The following PMEL variants were observed in gnomAD, a reference collection of about 807,000 sequenced individuals.
PMEL encodes premelanosome protein.
Under a neutral mutation model 64.9 loss-of-function variants are expected in PMEL, and 53 were observed. The observed-to-expected ratio is 0.82, with a 90% CI of 0.66 to 1.03. PMEL has a LOEUF of 1.03. PMEL is among the 50% of genes least tolerant of loss of function. The pLI is 0.00. For synonymous variants in PMEL, 299 were observed against 316.2 expected (o/e 0.95, Z 0.58); for missense variants, 716 against 814.9 (o/e 0.88, Z 1.48).
In PMEL at chr12:55,958,558, A is replaced by G. The variant is rs756057784; in HGVS notation, c.384T>C (p.Asp128=). The G allele has an allele frequency of 2.5e-6, 4 of 1,614,158 alleles. No individual in the cohort carries two copies. The Admixed American group carries it at 5.0e-5, about 20-fold the overall frequency. Residue 128 remains aspartate, a synonymous_variant, in exon 4 of 11, where the codon GAT becomes GAC. Coordinates refer to ENST00000548747, the MANE Select transcript of PMEL (RefSeq NM_001384361.1). ...GQPVYPQETD[D]ACIFPDGGPC... is the part of the protein sequence containing the mutation. ...GTCCACCATCAGGGAAGATGCAGGCATCGTCAGTTTCCTGGGGATACACTG... is the reference window on the plus strand; with the variant it reads ...GTCCACCATCAGGGAAGATGCAGGCGTCGTCAGTTTCCTGGGGATACACTG...
At chr12:55,960,603 C>T (rs111776275) in intron 3 of PMEL, among the ~76,000 whole-genome samples, 2,433 of 133,512 alleles carry the variant, frequency 0.018, 47 homozygotes, top group Middle Eastern at 0.06. Flanking sequence ...AGTGCAGTGG[C>T]ATGATCTCGG....
At position 55,956,218 on chromosome 12, in the gene PMEL, A is replaced by C. The variant is rs1266141599; in HGVS notation, c.1356T>G (p.Gly452=). The C allele has an allele frequency of 1.9e-6, 3 of 1,602,922 alleles. No individual in the cohort carries two copies. Among genetic ancestry groups the C allele is most frequent in the East Asian group, 4.5e-5 (2 of 44,834 alleles). ...TACCATCCAGCAGGGGGCCCAGGGA[A>C]CCTGGCAGGAGAGGATCAAGGAGGC... The part of the protein sequence containing the change: ...SSIMSTESIT[G]SLGPLLDGTA... The change falls in exon 7 of 11, where the codon GGT becomes GGG. Residue 452 remains glycine (G), a splice_region_variant and synonymous_variant. Transcript: ENST00000548747.
At chr12:55,966,685 G>A (rs1355754233), upstream of PMEL, 4 of 1,090,914 alleles carry the variant, frequency 3.7e-6, no homozygotes, top group African/African-American at 5.0e-5. Context: ...TGCCTGGGGC[G>A]GGATCATTTG....
chr12:55,960,246 GAAA>G (rs138853600), intron 3 of PMEL, among the ~76,000 whole-genome samples: 1 of 142,920 alleles, frequency 7.0e-6, no homozygotes, highest in African/African-American at 2.7e-5. Flanking sequence ...GAAAAGAAAA[GAAA>G]AAAAAAGAAA....
rs770852932 is a variant in PMEL, at chr12:55,961,495, C to T, written c.188-32G>A. On this transcript the variant is annotated intron_variant, in intron 2 of 10. Coordinates refer to ENST00000548747, the MANE Select transcript of PMEL (RefSeq NM_001384361.1). ...AGGAAAGCTACATTAGCTGGGACTC[C>T]TGGGCTTCCCCTCCCTGTATACGTT... The T allele has an allele frequency of 1.9e-6, 3 of 1,612,894 alleles. No homozygotes were observed. In the South Asian group the frequency reaches 3.3e-5, roughly 18 times the overall value.
In PMEL at chr12:55,961,129, C is replaced by T. The variant is rs200099914; in HGVS notation, c.334+188G>A. 18 of 517,846 alleles carry T rather than the reference C, an allele frequency of 3.5e-5. 1 individual carries two copies. The highest frequency in any genetic ancestry group is 2.2e-4 in the South Asian group (10 of 46,142). The allele number at this position is 517,846 out of a possible 1,614,324, so 32.1% of individuals were successfully genotyped here. ...CTGAGGCAGGAGAATGGCGTGAACC[C>T]GGGAGGCAGAGCTTGCAGTGAGCCG... On this transcript the variant is annotated intron_variant, in intron 3 of 10. Transcript: ENST00000548747.
intron 3 of PMEL, 180 bp downstream of exon 3, chr12:55,961,137 A>G (rs184353962): frequency 0.015 from 7,838 of 537,542 alleles, 468 homozygotes; most frequent in African/African-American, 0.13. Context: ...CCCGGGAGGC[A>G]GAGCTTGCAG....
chr12:55,955,558 C>G lies in PMEL; in HGVS notation c.1668G>C (p.Gln556His), dbSNP rs1212396951. The part of the protein sequence containing the change: ...PSPACQLVLH[Q>H]ILKGGSGTYC... The stretch of plus-strand genomic sequence containing the variant: ...ATGTCCCCGAGCCACCCTTCAGTAT[C>G]TGGTGCAGAACCAGCTGGCAGGCTG... The change falls in exon 9 of 11, where the codon CAG becomes CAC. Residue 556 changes from glutamine (Q) to histidine (H), a missense_variant. Coordinates refer to ENST00000548747, the MANE Select transcript of PMEL (RefSeq NM_001384361.1). 2.5e-6 allele frequency: 4 copies of G among 1,614,150 alleles called. No homozygotes were observed. In the Middle Eastern group the frequency reaches 6.6e-4, roughly 266 times the overall value.
At chr12:55,965,285 A>T (rs1425421623) in intron 1 of PMEL, among the ~76,000 whole-genome samples, 2 of 151,962 alleles carry the variant, frequency 1.3e-5, no homozygotes, top group African/African-American at 2.4e-5. Context: ...GAGGATCTGG[A>T]ATCATCTATT....
Position 55,954,157 on chromosome 12 carries a change from G to C in PMEL, c.*57C>G, listed in dbSNP as rs1888717873. 2 of 1,511,932 alleles carry C rather than the reference G, an allele frequency of 1.3e-6. No individual in the cohort carries two copies. The highest frequency in any genetic ancestry group is 1.8e-6 in the Non-Finnish European group (2 of 1,113,354). The allele number at this position is 1,511,932 out of a possible 1,614,324, so 93.7% of individuals were successfully genotyped here. The stretch of plus-strand genomic sequence containing the variant: ...ATAGTAGTCTCCCAGGGAAGACTGG[G>C]GGAAATATAGGTGTTTCTGTCAACT... On this transcript the variant is annotated 3_prime_UTR_variant, in exon 11 of 11. Transcript: ENST00000548747.
At chr12:55,960,601 G>A (rs1889067636) in intron 3 of PMEL, among the ~76,000 whole-genome samples, 1 of 137,074 alleles carries the variant, frequency 7.3e-6, no homozygotes, top group Admixed American at 7.6e-5. Flanking sequence ...GGAGTGCAGT[G>A]GCATGATCTC....
At chr12:55,958,316 G>T (rs1033291833) in intron 4 of PMEL, 157 bp downstream of exon 4, 11 of 816,522 alleles carry the variant, frequency 1.3e-5, no homozygotes, top group Admixed American at 2.8e-5. Context: ...AGAGTTGAAG[G>T]GGGCTAGGTG....
At chr12:55,957,834 A>C in intron 5 of PMEL, 89 bp downstream of exon 5, 2 of 1,551,574 alleles carry the variant, frequency 1.3e-6, no homozygotes, top group Non-Finnish European at 1.7e-6. Context: ...AAGTTTGCAC[A>C]GCATTTCACC....
At position 55,957,075 on chromosome 12, in the gene PMEL, G is replaced by A; in HGVS notation, c.1228C>T (p.Leu410Phe). 1 of 1,614,188 alleles carries A rather than the reference G, an allele frequency of 6.2e-7. No homozygotes were observed. The highest frequency in any genetic ancestry group is 8.5e-7 in the Non-Finnish European group (1 of 1,180,034). Residue 410 changes from leucine to phenylalanine, a missense_variant, in exon 6 of 11, where the codon CTT becomes TTT. By Grantham distance (22) the Leu-to-Phe change is conservative. Coordinates refer to ENST00000548747, the MANE Select transcript of PMEL (RefSeq NM_001384361.1). Reference protein sequence around the residue: ...MTPAEVSIVVLSGTTAAQVTT... With the variant: ...MTPAEVSIVVFSGTTAAQVTT... The stretch of plus-strand genomic sequence containing the variant: ...ACCTGTGCAGCTGTGGTTCCAGAAA[G>A]CACCACAATTGATACCTCTGCAGGT...
At chr12:55,962,448 C>CAAAA (rs1197796228) in intron 1 of PMEL, among the ~76,000 whole-genome samples, 12 of 37,498 alleles carry the variant, frequency 3.2e-4, no homozygotes, top group Non-Finnish European at 4.3e-4. Context: ...GACTCCATCT[C>CAAAA]AAAAAAAAAA....
At chr12:55,963,105 C>T (rs1349871502) in intron 1 of PMEL, among the ~76,000 whole-genome samples, 2 of 150,708 alleles carry the variant, frequency 1.3e-5, no homozygotes, top group Non-Finnish European at 3.0e-5. Flanking sequence ...GGCAGTGAGC[C>T]GAGATCACAC....
intron 1 of PMEL, among the ~76,000 whole-genome samples, chr12:55,965,404 C>A (rs1416057202): frequency 6.7e-6 from 1 of 150,158 alleles, no homozygotes; most frequent in Non-Finnish European, 1.5e-5. Context: ...CACCACCCCA[C>A]CCCCGCCCCT....
chr12:55,955,927 C>G (rs1888867871), intron 7 of PMEL, 64 bp from the exon 8 acceptor site: 2 of 1,426,362 alleles, frequency 1.4e-6, no homozygotes, highest in Non-Finnish European at 2.0e-6. Flanking sequence ...AGCCCAGAGA[C>G]AGAAAAGCCC....
At chr12:55,957,699 A>C in intron 5 of PMEL, 28 bp from the exon 6 acceptor site, 1 of 1,586,934 alleles carries the variant, frequency 6.3e-7, no homozygotes, top group Non-Finnish European at 8.6e-7. Context: ...AAAGGTGAGA[A>C]CCAGGCCTGA....
Sources: gnomAD v4.1 joint callset for allele counts (sites outside exome capture counted in the v4.1 genomes callset) on GRCh38, gnomAD v4.1.1 for gene constraint, MANE v1.5 for transcripts, NCBI Gene and HGNC (gene_info 2026-07-23, HGNC 2026-07-21) for gene names.